CACNA2D3: variants seen among roughly 807,000 people sequenced by gnomAD.
CACNA2D3 encodes voltage-dependent calcium channel subunit alpha-2/delta-3.
CACNA2D3 carries 60 observed loss-of-function variants against 160.6 expected under a neutral mutation model. The ratio of observed to expected loss-of-function variants is 0.37; its 90% CI spans 0.30 to 0.46. The LOEUF (loss-of-function observed/expected upper bound fraction) is 0.46, where lower values mean the gene tolerates loss of function less well. Ranked by LOEUF, CACNA2D3 falls within the 20% of genes least tolerant of loss-of-function variation. CACNA2D3 has a pLI of 1.00. For synonymous variants in CACNA2D3, 558 were observed against 492.9 expected, an observed-to-expected ratio of 1.13 and a Z score of -1.75; for missense variants, 1,205 against 1,365.0, an observed-to-expected ratio of 0.88 and a Z score of 1.85.
At chr3:54,476,804 A>T (rs1459273575) in intron 4 of CACNA2D3, among the ~76,000 whole-genome samples, 1 of 152,202 alleles carries the variant, frequency 6.6e-6, no homozygotes, top group Non-Finnish European at 1.5e-5. Context: ...TATCTTGGGT[A>T]TTAACCCCTT....
chr3:54,205,459 A>G (rs1701258887), intron 2 of CACNA2D3, among the ~76,000 whole-genome samples: 2 of 152,048 alleles, frequency 1.3e-5, no homozygotes, highest in South Asian at 2.1e-4. Flanking sequence ...AGGAAATATA[A>G]CTATGGCCTA....
rs1702704081 is a variant in CACNA2D3 at position 54,274,950 on chromosome 3, G to T, written c.205-45492G>T. On this transcript the variant is annotated intron_variant, in intron 2 of 37. Coordinates refer to ENST00000474759, the MANE Select transcript of CACNA2D3 (RefSeq NM_018398.3). ...CACTTCTGTCATATTTTATTCATTA[G>T]GAAGAAGTCACCAGGTCTAACCCAC... Among the ~76,000 whole-genome samples, 6 of 152,218 alleles carry T rather than the reference G, an allele frequency of 3.9e-5. 1 individual carries two copies. In the South Asian group the frequency reaches 1.2e-3, roughly 32 times the overall value.
chr3:54,494,835 G>GGAGA (rs150550934), intron 4 of CACNA2D3, among the ~76,000 whole-genome samples: 1 of 151,872 alleles, frequency 6.6e-6, no homozygotes. Context: ...TGAGAGAGAG[G>GGAGA]GAGAGAGAGA....
intron 13 of CACNA2D3, among the ~76,000 whole-genome samples, chr3:54,805,261 G>C (rs1384742599): frequency 6.6e-6 from 1 of 152,140 alleles, no homozygotes; most frequent in East Asian, 1.9e-4. Flanking sequence ...ATGAATCCAG[G>C]AGCTGGTTTT....
chr3:54,285,206 C>T (rs574658789), intron 2 of CACNA2D3, among the ~76,000 whole-genome samples: 3 of 152,282 alleles, frequency 2.0e-5, no homozygotes, highest in East Asian at 3.9e-4. Flanking sequence ...CAGACGGCAC[C>T]TGGAAAATCG....
chr3:54,786,751 C>A (rs1180893409), intron 13 of CACNA2D3, among the ~76,000 whole-genome samples: 1 of 152,028 alleles, frequency 6.6e-6, no homozygotes, highest in African/African-American at 2.4e-5. Context: ...CTGATTTATC[C>A]ATGGTTAAAA....
At chr3:55,033,287 G>T (rs1440031514) in intron 35 of CACNA2D3, among the ~76,000 whole-genome samples, 1 of 152,014 alleles carries the variant, frequency 6.6e-6, no homozygotes, top group Non-Finnish European at 1.5e-5. Context: ...ATAAATATTT[G>T]TATGAAGTAG....
At chr3:54,912,092 G>A (rs1472165472) in intron 27 of CACNA2D3, among the ~76,000 whole-genome samples, 2 of 152,186 alleles carry the variant, frequency 1.3e-5, no homozygotes, top group Non-Finnish European at 2.9e-5. Flanking sequence ...GCAGGATTCA[G>A]TTAGCTCCTT....
chr3:54,771,360 A>G (rs1487210798), intron 13 of CACNA2D3, among the ~76,000 whole-genome samples: 1 of 152,208 alleles, frequency 6.6e-6, no homozygotes, highest in African/African-American at 2.4e-5. Flanking sequence ...CCATGGATCA[A>G]AAGTCTCAGC....
In CACNA2D3 at chr3:54,292,442, G is replaced by T. The variant is rs928568048; in HGVS notation, c.205-28000G>T. On this transcript the variant is annotated intron_variant, in intron 2 of 37. Transcript: ENST00000474759. The stretch of plus-strand genomic sequence containing the variant: ...AGAAATTATATCTGATAAAAGACTT[G>T]TTTCTAGAATATACCAAAAACCCTT... Among the ~76,000 whole-genome samples the T allele has an allele frequency of 3.3e-5, 5 of 152,114 alleles. No homozygotes were observed. The East Asian group carries it at 9.6e-4, about 29-fold the overall frequency.
At position 54,703,243 on chromosome 3, in the gene CACNA2D3, GA is replaced by G. The variant is rs143133989; in HGVS notation, c.1168-49347del. On this transcript the variant is annotated intron_variant, in intron 11 of 37. Transcript: ENST00000474759. The stretch of plus-strand genomic sequence containing the variant: ...CCTGAACTTAAATTAAAAGTTGGAA[GA>G]AAAAAAAAGGATAAAAAAATAAATA... Among the ~76,000 whole-genome samples the G allele has an allele frequency of 4.0e-4, 60 of 149,698 alleles. 1 individual carries two copies. Among genetic ancestry groups the G allele is most frequent in the Admixed American group, 3.5e-3 (52 of 15,068 alleles).
At chr3:54,703,998 C>G (rs868107446) in intron 11 of CACNA2D3, among the ~76,000 whole-genome samples, 2 of 152,194 alleles carry the variant, frequency 1.3e-5, no homozygotes, top group Admixed American at 6.5e-5. Flanking sequence ...TTCCTAAGCT[C>G]TCTTTAATCT....
chr3:54,998,152 G>A (rs1267337775), intron 31 of CACNA2D3, among the ~76,000 whole-genome samples: 1 of 125,304 alleles, frequency 8.0e-6, no homozygotes, highest in African/African-American at 3.0e-5. Flanking sequence ...TTTTTGAGAT[G>A]GAGTCTTGCT....
intron 13 of CACNA2D3, among the ~76,000 whole-genome samples, chr3:54,790,189 A>C (rs1457945176): frequency 6.6e-6 from 1 of 152,092 alleles, no homozygotes; most frequent in Non-Finnish European, 1.5e-5. Flanking sequence ...AGCTTGCATA[A>C]CCCTTCTGTG....
chr3:54,731,379 TTCAGACCC>T (rs1294696011), intron 11 of CACNA2D3, among the ~76,000 whole-genome samples: 1 of 152,224 alleles, frequency 6.6e-6, no homozygotes, highest in Non-Finnish European at 1.5e-5. Context: ...CACTAGGTTC[TTCAGACCC>T]TCATACATTG....
Position 54,969,837 on chromosome 3 carries a change from A to T in CACNA2D3, c.2549A>T (p.Asp850Val). ...SLDGKCSISCDDETVNCYLID... is the reference protein window; with the variant it reads ...SLDGKCSISCVDETVNCYLID... ...GATGGCAAATGCTCCATCAGCTGTGATGATGAGGTAAGACGGCCTCCTGGT... is the reference window on the plus strand; with the variant it reads ...GATGGCAAATGCTCCATCAGCTGTGTTGATGAGGTAAGACGGCCTCCTGGT... The change falls in exon 29 of 38, where the codon GAT becomes GTT. Residue 850 changes from aspartate (D) to valine (V), a missense_variant. Around this residue, in one of 3 missense-constraint regions of CACNA2D3, gnomAD observed 911 missense variants for 1,002.2 expected, o/e 0.91. Coordinates refer to ENST00000474759, the MANE Select transcript of CACNA2D3 (RefSeq NM_018398.3). 1 of 1,613,262 alleles carries T rather than the reference A, an allele frequency of 6.2e-7. No homozygotes were observed. The highest frequency in any genetic ancestry group is 8.5e-7 in the Non-Finnish European group (1 of 1,179,476).
intron 27 of CACNA2D3, among the ~76,000 whole-genome samples, chr3:54,919,958 G>A (rs1012946368): frequency 6.6e-6 from 1 of 152,128 alleles, no homozygotes; most frequent in Non-Finnish European, 1.5e-5. Context: ...AGAGGAGTGG[G>A]CAGGATGGCC....
chr3:54,455,339 G>A (rs1477867000), intron 4 of CACNA2D3, among the ~76,000 whole-genome samples: 5 of 152,088 alleles, frequency 3.3e-5, no homozygotes, highest in Admixed American at 6.6e-5. Context: ...GTTGATTAGC[G>A]ATGTTGAGCA....
intron 12 of CACNA2D3, among the ~76,000 whole-genome samples, chr3:54,753,537 C>A (rs1222992663): frequency 6.6e-6 from 1 of 152,196 alleles, no homozygotes; most frequent in Non-Finnish European, 1.5e-5. Context: ...ACTTTCACTG[C>A]CCCTTGCATC....
Sources: gnomAD v4.1 joint callset for allele counts (sites outside exome capture counted in the v4.1 genomes callset) on GRCh38, gnomAD v4.1.1 for gene constraint, gnomAD v4.1.1 regional missense constraint, MANE v1.5 for transcripts, NCBI Gene and HGNC (gene_info 2026-07-23, HGNC 2026-07-21) for gene names.